The following SUCLG2 variants were observed in gnomAD, a reference collection of about 807,000 sequenced individuals.
The protein encoded by SUCLG2 is succinate--CoA ligase [GDP-forming] subunit beta, mitochondrial.
Under a neutral mutation model 47.9 loss-of-function variants are expected in SUCLG2, and 42 were observed. The observed-to-expected ratio is 0.88, with a 90% confidence interval of 0.69 to 1.14. SUCLG2 has a LOEUF of 1.14. SUCLG2 is among the 50% of genes most tolerant of loss of function. The pLI is 0.00. For synonymous variants in SUCLG2, 195 were observed against 197.3 expected (o/e 0.99, Z 0.10); for missense variants, 571 against 525.9 (o/e 1.09, Z -0.84).
chr3:67,374,505 T>C (rs1199983231), downstream of SUCLG2, among the ~76,000 whole-genome samples: 1 of 152,164 alleles, frequency 6.6e-6, no homozygotes, highest in Non-Finnish European at 1.5e-5. Context: ...GATACATTCC[T>C]GGGGTTCTGG....
At chr3:67,611,258 T>C (rs1700522234) in intron 1 of SUCLG2, among the ~76,000 whole-genome samples, 2 of 152,226 alleles carry the variant, frequency 1.3e-5, no homozygotes, top group Non-Finnish European at 2.9e-5. Context: ...TTGCTTTTAA[T>C]ATTGAAGTTG....
chr3:67,554,948 G>C (rs919803198), intron 2 of SUCLG2, among the ~76,000 whole-genome samples: 3 of 152,164 alleles, frequency 2.0e-5, no homozygotes, highest in Admixed American at 6.5e-5. Flanking sequence ...ATGCATACTG[G>C]AGATCAAGTA....
At chr3:67,615,222 A>C (rs1700602995) in intron 1 of SUCLG2, among the ~76,000 whole-genome samples, 1 of 151,252 alleles carries the variant, frequency 6.6e-6, no homozygotes, top group Non-Finnish European at 1.5e-5. Context: ...TGACATAAAA[A>C]CTCCAAGCAC....
rs140950567 is a variant in SUCLG2, at chr3:67,461,805, C to T, written c.1062+33993G>A. 8.5e-3 allele frequency among the ~76,000 whole-genome samples: 1,301 copies of T among 152,174 alleles called. 12 individuals are homozygous for T. Among genetic ancestry groups the T allele is most frequent in the South Asian group, 0.019 (92 of 4,816 alleles). On this transcript the variant is annotated intron_variant, in intron 9 of 10. Transcript: ENST00000307227. ...CCAGCTGAGAACAGCTGATCTGGTC[C>T]ATCCCGCCCCAGTTCACAGAACCTG...
intron 6 of SUCLG2, among the ~76,000 whole-genome samples, chr3:67,517,337 G>A (rs1020101895): frequency 6.6e-6 from 1 of 152,184 alleles, no homozygotes; most frequent in African/African-American, 2.4e-5. Context: ...AGTGCATCAT[G>A]TACTGTCTTA....
chr3:67,653,173 G>A (rs1701318051), intron 1 of SUCLG2, among the ~76,000 whole-genome samples: 1 of 152,100 alleles, frequency 6.6e-6, no homozygotes. Flanking sequence ...TGGGCCCCAT[G>A]TTTCTCATCA....
intron 2 of SUCLG2, among the ~76,000 whole-genome samples, chr3:67,554,968 T>C (rs1171014694): frequency 4.6e-5 from 7 of 152,164 alleles, no homozygotes; most frequent in African/African-American, 1.7e-4. Flanking sequence ...ACCCAGGCAC[T>C]GAGGGATGTT....
intron 9 of SUCLG2, among the ~76,000 whole-genome samples, chr3:67,484,766 A>C (rs896758677): frequency 2.0e-5 from 3 of 152,236 alleles, no homozygotes; most frequent in Non-Finnish European, 4.4e-5. Context: ...AGATAGGCAC[A>C]AATTATCCCC....
intron 10 of SUCLG2, among the ~76,000 whole-genome samples, chr3:67,361,186 C>T (rs892855192): frequency 8.6e-5 from 13 of 151,600 alleles, no homozygotes; most frequent in African/African-American, 2.4e-4. Context: ...AAAAATCACT[C>T]AAGAGTCTTT....
At chr3:67,519,123 T>C (rs1291575694) in intron 5 of SUCLG2, among the ~76,000 whole-genome samples, 1 of 151,982 alleles carries the variant, frequency 6.6e-6, no homozygotes, top group East Asian at 1.9e-4. Context: ...CACATTCCCC[T>C]CTTGTCTGAG....
intron 6 of SUCLG2, among the ~76,000 whole-genome samples, chr3:67,514,657 C>T (rs1258076307): frequency 6.6e-6 from 1 of 152,188 alleles, no homozygotes; most frequent in Non-Finnish European, 1.5e-5. Flanking sequence ...ATACAATAGT[C>T]ACCCTTTATC....
chr3:67,632,650 A>G (rs894293172), intron 1 of SUCLG2, among the ~76,000 whole-genome samples: 12 of 152,130 alleles, frequency 7.9e-5, no homozygotes, highest in Non-Finnish European at 2.9e-5. Flanking sequence ...TTAATAATAC[A>G]AGCTGACCAG....
chr3:67,400,225 G>T (rs115249631), intron 10 of SUCLG2, among the ~76,000 whole-genome samples: 10,684 of 151,378 alleles, frequency 0.071, 390 homozygotes, highest in Middle Eastern at 0.13. Context: ...AATATTTATT[G>T]CTATAAAATA....
rs186463569 is a variant in SUCLG2 at position 67,448,995 on chromosome 3, T to G, written c.1062+46803A>C. Among the ~76,000 whole-genome samples, 17 of 152,320 alleles carry G rather than the reference T, an allele frequency of 1.1e-4. No homozygotes were observed. In the East Asian group the frequency reaches 3.1e-3, roughly 28 times the overall value. ...AAGTAATATAAAAACACTGTTGAAT[T>G]TGAATATTTCTTGCTTTTTTGCTTT... On this transcript the variant is annotated intron_variant, in intron 9 of 10. Transcript: ENST00000307227.
intron 1 of SUCLG2, among the ~76,000 whole-genome samples, chr3:67,617,340 A>G (rs1416473221): frequency 6.6e-6 from 1 of 152,238 alleles, no homozygotes; most frequent in African/African-American, 2.4e-5. Flanking sequence ...CTCTTTCAGC[A>G]TGAAAACATG....
intron 2 of SUCLG2, among the ~76,000 whole-genome samples, chr3:67,609,232 GCAGACCC>G (rs1369276203): frequency 6.6e-6 from 1 of 152,176 alleles, no homozygotes; most frequent in Admixed American, 6.5e-5. Context: ...AGCTCTGAAA[GCAGACCC>G]CTCCCTTCAC....
intron 9 of SUCLG2, among the ~76,000 whole-genome samples, chr3:67,474,020 G>A (rs1014081590): frequency 1.3e-5 from 2 of 152,160 alleles, no homozygotes; most frequent in African/African-American, 4.8e-5. Context: ...CACTTTGGGA[G>A]GCCAAGGCAG....
chr3:67,444,398 T>TC (rs1703873172), intron 9 of SUCLG2, among the ~76,000 whole-genome samples: 1 of 18,596 alleles, frequency 5.4e-5, no homozygotes, highest in Admixed American at 5.6e-4. Flanking sequence ...GGGTCAGCCC[T>TC]CCGCCCGGCC....
chr3:67,474,315 A>G (rs915656183), intron 9 of SUCLG2, among the ~76,000 whole-genome samples: 1 of 152,130 alleles, frequency 6.6e-6, no homozygotes, highest in Non-Finnish European at 1.5e-5. Flanking sequence ...AACATTTTCT[A>G]GAGCTTAATT....
Sources: allele counts gnomAD v4.1 joint callset (sites outside exome capture counted in the v4.1 genomes callset), GRCh38; gene constraint gnomAD v4.1.1; transcripts MANE v1.5; gene names NCBI Gene and HGNC (gene_info 2026-07-23, HGNC 2026-07-21).